DGKB: variants seen among roughly 807,000 people sequenced by gnomAD.
DGKB encodes the protein 90 kDa diacylglycerol kinase.
In DGKB, 67 loss-of-function variants were observed where a neutral mutation model predicts 114.3. The observed-to-expected ratio is 0.59, with a 90% CI of 0.48 to 0.72. The LOEUF (loss-of-function observed/expected upper bound fraction) is 0.72. Among genes scored for constraint, DGKB ranks in the 30% least tolerant of loss-of-function variants. DGKB has a pLI of 0.00. For synonymous variants in DGKB, 398 were observed against 323.1 expected (o/e 1.23, Z -2.49); for missense variants, 907 against 975.2 (o/e 0.93, Z 0.93).
At chr7:14,657,137 A>G (rs1167417511) in intron 13 of DGKB, among the ~76,000 whole-genome samples, 1 of 151,782 alleles carries the variant, frequency 6.6e-6, no homozygotes, top group African/African-American at 2.4e-5. Flanking sequence ...CGGACATGCT[A>G]TGACTCTTTA....
chr7:14,807,790 T>C (rs1038691521), intron 2 of DGKB, among the ~76,000 whole-genome samples: 1 of 152,068 alleles, frequency 6.6e-6, no homozygotes, highest in Non-Finnish European at 1.5e-5. Flanking sequence ...TTGGGGCTTT[T>C]TAAATTTGTT....
chr7:14,765,981 T>C (rs1836394214), intron 2 of DGKB, among the ~76,000 whole-genome samples: 1 of 151,844 alleles, frequency 6.6e-6, no homozygotes, highest in Admixed American at 6.6e-5. Context: ...TAATGTGGAG[T>C]TGGGAAAGAA....
intron 23 of DGKB, among the ~76,000 whole-genome samples, chr7:14,212,764 T>A (rs1458073316): frequency 3.9e-5 from 6 of 152,094 alleles, no homozygotes; most frequent in Non-Finnish European, 8.8e-5. Context: ...AAAATACTTT[T>A]TTTTCTAAAG....
chr7:14,417,963 G>A (rs1055154046), intron 21 of DGKB, among the ~76,000 whole-genome samples: 2 of 151,044 alleles, frequency 1.3e-5, no homozygotes, highest in Non-Finnish European at 3.0e-5. Context: ...AAATGTCAGA[G>A]TTATAAACAT....
rs1241685350 is a variant in DGKB at position 14,694,118 on chromosome 7, C to A, written c.668G>T (p.Gly223Val). ...CACAAGAAGTGGAATCGTTGTCATT[C>A]CTCCTTGAATCCATTCCTCCAGAGA... ...TVSLEEWIQG[G>V]MTTIPLLVLL... Residue 223 changes from glycine (G) to valine (V), a missense_variant, in exon 9 of 26, where the codon GGA (glycine) becomes GTA (valine). By Grantham distance (109) the Gly-to-Val change is moderately radical. Around this residue, in one of 3 missense-constraint regions of DGKB, gnomAD observed 814 missense variants for 856.6 expected, o/e 0.95. Coordinates refer to ENST00000402815, the MANE Select transcript of DGKB (RefSeq NM_001350709.2). The A allele has an allele frequency of 1.3e-6, 2 of 1,593,226 alleles. No homozygotes were observed. Among genetic ancestry groups the A allele is most frequent in the Non-Finnish European group, 1.7e-6 (2 of 1,168,398 alleles).
intron 1 of DGKB, among the ~76,000 whole-genome samples, chr7:14,947,500 C>T (rs2128258222): frequency 7.4e-6 from 1 of 135,084 alleles, no homozygotes; most frequent in Non-Finnish European, 1.6e-5. Context: ...TATGTTAAAA[C>T]AAAGTCATAA....
chr7:14,647,455 T>C (rs184365627), intron 13 of DGKB, among the ~76,000 whole-genome samples: 1 of 152,048 alleles, frequency 6.6e-6, no homozygotes, highest in East Asian at 1.9e-4. Context: ...AACAAAAAAA[T>C]AGACCATACT....
intron 1 of DGKB, among the ~76,000 whole-genome samples, chr7:14,896,630 G>A (rs1035213714): frequency 2.0e-4 from 31 of 151,476 alleles, no homozygotes; most frequent in African/African-American, 7.3e-4. Flanking sequence ...TTCTGTTTAA[G>A]CCCCTTACAT....
At chr7:14,346,484 T>A (rs1812500211) in intron 21 of DGKB, among the ~76,000 whole-genome samples, 1 of 151,912 alleles carries the variant, frequency 6.6e-6, no homozygotes. Flanking sequence ...AAATTCACAA[T>A]CCCTTCATGA....
chr7:14,850,833 G>A (rs1242590992), intron 1 of DGKB, among the ~76,000 whole-genome samples: 3 of 152,050 alleles, frequency 2.0e-5, no homozygotes, highest in Non-Finnish European at 4.4e-5. Context: ...GAATCTAAAG[G>A]ACAAATAATC....
chr7:14,415,720 G>T (rs113539267), intron 21 of DGKB, among the ~76,000 whole-genome samples: 35 of 152,254 alleles, frequency 2.3e-4, no homozygotes, highest in African/African-American at 7.9e-4. Context: ...GAATGGTGCT[G>T]CAATAAACCT....
chr7:14,181,705 T>C (rs994004439), intron 23 of DGKB, among the ~76,000 whole-genome samples: 4 of 152,198 alleles, frequency 2.6e-5, no homozygotes, highest in African/African-American at 9.7e-5. Flanking sequence ...AACTGTGAAA[T>C]CCTGACACCA....
intron 13 of DGKB, among the ~76,000 whole-genome samples, chr7:14,663,958 A>G (rs1471833816): frequency 6.6e-6 from 1 of 151,828 alleles, no homozygotes; most frequent in Non-Finnish European, 1.5e-5. Flanking sequence ...CAAAATTACC[A>G]TTTGTCCAGC....
chr7:14,533,147 A>C (rs1791872305), intron 20 of DGKB, among the ~76,000 whole-genome samples: 1 of 151,856 alleles, frequency 6.6e-6, no homozygotes, highest in African/African-American at 2.4e-5. Flanking sequence ...CTATAAACAG[A>C]AAGTTCAGCA....
intron 13 of DGKB, among the ~76,000 whole-genome samples, chr7:14,643,196 G>A (rs1812163534): frequency 6.6e-6 from 1 of 152,162 alleles, no homozygotes; most frequent in Admixed American, 6.5e-5. Flanking sequence ...AGAGGCAGGA[G>A]AGACTCTCCA....
chr7:14,672,385 C>T (rs2128947888), intron 13 of DGKB, among the ~76,000 whole-genome samples: 1 of 152,118 alleles, frequency 6.6e-6, no homozygotes, highest in East Asian at 1.9e-4. Flanking sequence ...TTTACTCATG[C>T]ATTTTCATTT....
intron 18 of DGKB, among the ~76,000 whole-genome samples, chr7:14,582,696 G>A (rs1487747376): frequency 2.0e-5 from 3 of 152,042 alleles, no homozygotes; most frequent in South Asian, 2.1e-4. Context: ...TTTTAAAAAC[G>A]TAAGCACATC....
intron 14 of DGKB, among the ~76,000 whole-genome samples, chr7:14,628,830 G>A (rs2128837786): frequency 6.6e-6 from 1 of 151,718 alleles, no homozygotes; most frequent in South Asian, 2.1e-4. Context: ...TGACTTTGAG[G>A]GATACTGGAA....
chr7:14,539,685 G>T (rs896324201), intron 20 of DGKB, among the ~76,000 whole-genome samples: 1 of 152,036 alleles, frequency 6.6e-6, no homozygotes, highest in Non-Finnish European at 1.5e-5. Context: ...TCCTAGAATG[G>T]CTATTCAGTT....
Sources: allele counts gnomAD v4.1 joint callset (sites outside exome capture counted in the v4.1 genomes callset), GRCh38; gene constraint gnomAD v4.1.1; regional missense constraint gnomAD v4.1.1; transcripts MANE v1.5; gene names NCBI Gene and HGNC (gene_info 2026-07-23, HGNC 2026-07-21).